IFT172: variants seen among roughly 807,000 people sequenced by gnomAD.
IFT172 encodes the protein intraflagellar transport 172, also known as intraflagellar transport protein 172 homolog.
Under a neutral mutation model 248.9 loss-of-function variants are expected in IFT172, and 164 were observed. The ratio of observed to expected loss-of-function variants is 0.66; its 90% CI spans 0.58 to 0.75. IFT172 has a LOEUF of 0.75. Ranked by LOEUF, IFT172 falls within the 30% of genes least tolerant of loss-of-function variation. The pLI is 0.00. For synonymous variants in IFT172, 729 were observed against 791.6 expected (o/e 0.92, Z 1.33); for missense variants, 1,950 against 2,192.4 (o/e 0.89, Z 2.21).
intron 16 of IFT172, 75 bp from the exon 17 acceptor site, chr2:27,465,957 C>G: frequency 1.3e-6 from 2 of 1,546,310 alleles, no homozygotes; most frequent in Non-Finnish European, 1.8e-6. Context: ...AAAGACCCAC[C>G]CTCATCCGAC....
At chr2:27,449,865 C>G in intron 36 of IFT172, 65 bp from the exon 37 acceptor site, 4 of 1,447,900 alleles carry the variant, frequency 2.8e-6, no homozygotes, top group Non-Finnish European at 3.8e-6. Context: ...TGTGAGCTCT[C>G]CCATCTGTTT....
At chr2:27,485,751 T>C (rs1047577183) in intron 1 of IFT172, among the ~76,000 whole-genome samples, 1 of 152,208 alleles carries the variant, frequency 6.6e-6, no homozygotes, top group Admixed American at 6.5e-5. Flanking sequence ...GTCAACTGTA[T>C]CAATGAATCC....
In IFT172 at chr2:27,449,538, A is replaced by C. The variant is rs148360112; in HGVS notation, c.4185T>G (p.His1395Gln). 9 of 1,614,022 alleles carry C rather than the reference A, an allele frequency of 5.6e-6. No homozygotes were observed. Among genetic ancestry groups the C allele is most frequent in the African/African-American group, 2.7e-5 (2 of 74,912 alleles). The change falls in exon 38 of 48, where the codon CAT becomes CAG. Residue 1395 changes from histidine to glutamine, a missense_variant. By Grantham distance (24) the His-to-Gln change is conservative. Transcript: ENST00000260570. ...CCTGATTCTTGAGGAACTCTTTATA[A>C]TGCTGGTCCACATAGTCTTCATACC... Reference protein sequence around the residue: ...DPRYEDYVDQHYKEFLKNQGK... With the variant: ...DPRYEDYVDQQYKEFLKNQGK...
chr2:27,471,880 A>G, intron 15 of IFT172: 1 of 322,682 alleles, frequency 3.1e-6, no homozygotes, highest in Non-Finnish European at 5.6e-6. Flanking sequence ...TCTACTAAAA[A>G]TACAAAAATT....
intron 18 of IFT172, among the ~76,000 whole-genome samples, chr2:27,463,887 C>T (rs1666880881): frequency 6.6e-6 from 1 of 152,020 alleles, no homozygotes; most frequent in Non-Finnish European, 1.5e-5. Flanking sequence ...AGGAAGCTGG[C>T]ATGAGAAGGA....
chr2:27,451,723 A>T (rs1237355964), intron 35 of IFT172, among the ~76,000 whole-genome samples: 1 of 152,140 alleles, frequency 6.6e-6, no homozygotes, highest in Non-Finnish European at 1.5e-5. Flanking sequence ...CCGAGATTGC[A>T]CCACTGCACT....
intron 18 of IFT172, among the ~76,000 whole-genome samples, chr2:27,463,403 ATAAAG>A (rs935805586): frequency 1.3e-5 from 2 of 152,216 alleles, no homozygotes; most frequent in African/African-American, 4.8e-5. Context: ...AAAAAATAAA[ATAAAG>A]TAATGTAATA....
chr2:27,449,912 C>A, intron 36 of IFT172, 86 bp downstream of exon 36: 1 of 1,410,474 alleles, frequency 7.1e-7, no homozygotes, highest in Non-Finnish European at 9.9e-7. Flanking sequence ...AGGAGGCCCA[C>A]CTCACACACC....
chr2:27,473,811 A>T (rs372882598), intron 14 of IFT172, among the ~76,000 whole-genome samples: 12 of 151,314 alleles, frequency 7.9e-5, no homozygotes, highest in Non-Finnish European at 1.6e-4. Context: ...TTTTATTTTT[A>T]TTTTTTTTCC....
chr2:27,462,737 C>A lies in IFT172; in HGVS notation c.2079G>T (p.Lys693Asn). Reference protein sequence around the residue: ...QVRARLAMLEKNYKLAEMIFL... With the variant: ...QVRARLAMLENNYKLAEMIFL... ...AGATCATTTCAGCCAGTTTGTAGTTCTTTTCCAGCATGGCTAGACGTGCTC... is the reference window on the plus strand; with the variant it reads ...AGATCATTTCAGCCAGTTTGTAGTTATTTTCCAGCATGGCTAGACGTGCTC... The change falls in exon 20 of 48, where the codon AAG becomes AAT. Residue 693 changes from lysine to asparagine, a missense_variant. Transcript: ENST00000260570. 6.2e-7 allele frequency: 1 copy of A among 1,613,940 alleles called. No individual in the cohort carries two copies. The highest frequency in any genetic ancestry group is 8.5e-7 in the Non-Finnish European group (1 of 1,179,964).
intron 2 of IFT172, 52 bp from the exon 3 acceptor site, chr2:27,485,182 G>GAAAGAGA (rs774130045): frequency 6.9e-7 from 1 of 1,440,186 alleles, no homozygotes; most frequent in Non-Finnish European, 9.6e-7. Flanking sequence ...GAGTACACAT[G>GAAAGAGA]AAAGAGAAAA....
chr2:27,464,119 C>A (rs1558386602), intron 18 of IFT172, among the ~76,000 whole-genome samples: 1 of 152,146 alleles, frequency 6.6e-6, no homozygotes, highest in Admixed American at 6.5e-5. Flanking sequence ...TGGGAGACGG[C>A]AGTGGTCTGC....
intron 13 of IFT172, 89 bp from the exon 14 acceptor site, chr2:27,476,815 TTTTATTTA>T (rs1030374576): frequency 1.3e-6 from 1 of 741,960 alleles, no homozygotes; most frequent in Admixed American, 2.4e-5. Context: ...GGGATGAAGC[TTTTATTTA>T]TTTATTTATT....
chr2:27,446,470 C>T, intron 42 of IFT172, 115 bp from the exon 43 acceptor site: 13 of 879,402 alleles, frequency 1.5e-5, no homozygotes, highest in South Asian at 1.1e-4. Context: ...TTAAACTGCT[C>T]TGGATTCTCA....
At chr2:27,462,616 C>A in intron 20 of IFT172, 85 bp downstream of exon 20, 11 of 1,201,358 alleles carry the variant, frequency 9.2e-6, no homozygotes, top group South Asian at 8.9e-5. Flanking sequence ...TTCACCAGCA[C>A]GCTTTCCTCC....
At chr2:27,457,548 C>A in intron 29 of IFT172, 91 bp downstream of exon 29, 1 of 1,141,782 alleles carries the variant, frequency 8.8e-7, no homozygotes, top group East Asian at 2.3e-5. Flanking sequence ...GCACTCCAGC[C>A]TGGGTGACAG....
chr2:27,489,302 T>C (rs1434344897), intron 1 of IFT172, among the ~76,000 whole-genome samples: 1 of 152,180 alleles, frequency 6.6e-6, no homozygotes, highest in Non-Finnish European at 1.5e-5. Flanking sequence ...TACTCGCTGC[T>C]TACATGTGCA....
intron 25 of IFT172, 193 bp downstream of exon 25, chr2:27,459,185 T>G: frequency 1.5e-6 from 1 of 684,112 alleles, no homozygotes; most frequent in Non-Finnish European, 2.4e-6. Flanking sequence ...ATATCTGGGG[T>G]GAAGGGCGAT....
intron 27 of IFT172, 34 bp from the exon 28 acceptor site, chr2:27,458,010 C>T: frequency 6.2e-7 from 1 of 1,614,048 alleles, no homozygotes; most frequent in Non-Finnish European, 8.5e-7. Context: ...GCCTCCTAGA[C>T]CCGACCCCTG....
Sources: allele counts gnomAD v4.1 joint callset (sites outside exome capture counted in the v4.1 genomes callset), GRCh38; gene constraint gnomAD v4.1.1; transcripts MANE v1.5; gene names NCBI Gene and HGNC (gene_info 2026-07-23, HGNC 2026-07-21).